The following XKR4 variants were observed in gnomAD, a reference collection of about 807,000 sequenced individuals.
The protein encoded by XKR4 is XK-related protein 4.
Under a neutral mutation model 53.9 loss-of-function variants are expected in XKR4, and 12 were observed. The ratio of observed to expected loss-of-function variants is 0.22; its 90% CI spans 0.14 to 0.36. XKR4 has a LOEUF of 0.36. Ranked by LOEUF, XKR4 falls within the 10% of genes least tolerant of loss-of-function variation. The pLI is 1.00. For synonymous variants in XKR4, 354 were observed against 362.4 expected, an observed-to-expected ratio of 0.98 and a Z score of 0.26; for missense variants, 799 against 859.5, an observed-to-expected ratio of 0.93 and a Z score of 0.88.
At chr8:55,363,814 G>A (rs568963331) in intron 2 of XKR4, among the ~76,000 whole-genome samples, 1 of 152,256 alleles carries the variant, frequency 6.6e-6, no homozygotes, top group Admixed American at 6.5e-5. Flanking sequence ...AGGTCCCTCT[G>A]GATCTGCCTA....
chr8:55,141,308 ATTC>A (rs1178519473), intron 1 of XKR4, among the ~76,000 whole-genome samples: 5 of 152,030 alleles, frequency 3.3e-5, no homozygotes, highest in African/African-American at 7.2e-5. Context: ...TCCTGGAGGT[ATTC>A]TTCTTCTCTT....
At chr8:55,244,185 A>T (rs897804632) in intron 1 of XKR4, among the ~76,000 whole-genome samples, 2 of 152,170 alleles carry the variant, frequency 1.3e-5, no homozygotes, top group African/African-American at 2.4e-5. Context: ...GCTTAGTAAC[A>T]GATAAGTAGT....
chr8:55,410,702 T>C (rs1436065540), intron 2 of XKR4, among the ~76,000 whole-genome samples: 2 of 147,310 alleles, frequency 1.4e-5, no homozygotes, highest in Non-Finnish European at 3.0e-5. Context: ...CCAATCTCTC[T>C]TACCTAAATC....
At chr8:55,385,538 G>A (rs1804296287) in intron 2 of XKR4, among the ~76,000 whole-genome samples, 1 of 152,100 alleles carries the variant, frequency 6.6e-6, no homozygotes, top group South Asian at 2.1e-4. Flanking sequence ...AGAGTACCTA[G>A]CCCATAAGTA....
At chr8:55,265,174 C>G (rs1818579176) in intron 1 of XKR4, among the ~76,000 whole-genome samples, 1 of 152,190 alleles carries the variant, frequency 6.6e-6, no homozygotes, top group African/African-American at 2.4e-5. Context: ...GGATTTTATT[C>G]CAGAATCCCA....
At chr8:55,392,183 AC>A (rs1804453263) in intron 2 of XKR4, among the ~76,000 whole-genome samples, 1 of 152,124 alleles carries the variant, frequency 6.6e-6, no homozygotes, top group African/African-American at 2.4e-5. Flanking sequence ...AAAAATGACA[AC>A]CCAACTGCAA....
chr8:55,470,258 G>A lies in XKR4; in HGVS notation c.1007-53023G>A, dbSNP rs116106520. ...AATTCTAGAAGTTAAGGTACAAGAC[G>A]AGGTGATATGGTTTTTGGCTGTGTC... On this transcript the variant is annotated intron_variant, in intron 2 of 2. Transcript: ENST00000327381. Among the ~76,000 whole-genome samples, 471 of 152,208 alleles carry A rather than the reference G, an allele frequency of 3.1e-3. 2 individuals are homozygous for A. The highest frequency in any genetic ancestry group is 0.011 in the African/African-American group (439 of 41,498).
chr8:55,334,469 C>T (rs76578677), intron 1 of XKR4, among the ~76,000 whole-genome samples: 7,197 of 152,156 alleles, frequency 0.047, 296 homozygotes, highest in Admixed American at 0.12. Context: ...TGATTTTTAT[C>T]CCTGGTCTAC....
intron 1 of XKR4, among the ~76,000 whole-genome samples, chr8:55,318,836 G>A (rs1444113777): frequency 6.6e-6 from 1 of 152,152 alleles, no homozygotes; most frequent in African/African-American, 2.4e-5. Context: ...GAAAAGAGTT[G>A]TTATAAGTTT....
At chr8:55,482,680 T>C (rs1806129584) in intron 2 of XKR4, among the ~76,000 whole-genome samples, 1 of 152,146 alleles carries the variant, frequency 6.6e-6, no homozygotes, top group South Asian at 2.1e-4. Context: ...AAAAAATAAT[T>C]GAACTAAACT....
chr8:55,235,111 C>T (rs1324621160), intron 1 of XKR4, among the ~76,000 whole-genome samples: 1 of 152,196 alleles, frequency 6.6e-6, no homozygotes, highest in African/African-American at 2.4e-5. Context: ...CTGTTCCATG[C>T]TTTGCTCCCA....
chr8:55,304,889 G>T (rs1819270318), intron 1 of XKR4, among the ~76,000 whole-genome samples: 1 of 151,706 alleles, frequency 6.6e-6, no homozygotes, highest in African/African-American at 2.4e-5. Context: ...CCTATGTGCA[G>T]ACACTTTATT....
intron 1 of XKR4, among the ~76,000 whole-genome samples, chr8:55,244,374 A>G (rs1316991220): frequency 6.6e-6 from 1 of 152,196 alleles, no homozygotes; most frequent in Non-Finnish European, 1.5e-5. Flanking sequence ...AGCTCCATCC[A>G]TGTTGCTGCA....
chr8:55,495,743 G>A (rs1441396707), intron 2 of XKR4, among the ~76,000 whole-genome samples: 1 of 152,234 alleles, frequency 6.6e-6, no homozygotes, highest in Non-Finnish European at 1.5e-5. Flanking sequence ...ATTGGGGGCA[G>A]CTCAGTCGAC....
intron 1 of XKR4, among the ~76,000 whole-genome samples, chr8:55,130,365 C>T (rs1356593678): frequency 6.6e-6 from 1 of 152,106 alleles, no homozygotes; most frequent in African/African-American, 2.4e-5. Flanking sequence ...TATGCAGAAA[C>T]CTGAGACAGG....
intron 2 of XKR4, among the ~76,000 whole-genome samples, chr8:55,400,257 C>T (rs968882030): frequency 6.6e-6 from 1 of 152,154 alleles, no homozygotes; most frequent in African/African-American, 2.4e-5. Context: ...GGTGCCACTC[C>T]TAAGATTCAC....
intron 1 of XKR4, among the ~76,000 whole-genome samples, chr8:55,343,865 T>C (rs898353670): frequency 1.3e-5 from 2 of 152,214 alleles, no homozygotes; most frequent in African/African-American, 4.8e-5. Context: ...ATAATACAAT[T>C]ATAATGAGAC....
Position 55,538,506 on chromosome 8 carries a change from T to C in XKR4, c.*14279T>C, listed in dbSNP as rs1242565551. On this transcript the variant is annotated 3_prime_UTR_variant, in exon 3 of 3. Transcript: ENST00000327381. ...AACTAACACTTTTCCTTCAAAGGTC[T>C]ATGTATAATTTTCTTCAATGATTAG... 1 of 152,246 alleles carries C rather than the reference T, an allele frequency of 6.6e-6. No homozygotes were observed. The highest frequency in any genetic ancestry group is 1.5e-5 in the Non-Finnish European group (1 of 68,046). The allele number at this position is 152,246 out of a possible 1,614,324, so 9.4% of individuals were successfully genotyped here. A position where few individuals can be genotyped will look rare whatever the true frequency, so the allele number is the denominator to read the frequency against.
intron 2 of XKR4, among the ~76,000 whole-genome samples, chr8:55,469,278 T>C (rs1279418803): frequency 6.6e-6 from 1 of 152,158 alleles, no homozygotes; most frequent in Non-Finnish European, 1.5e-5. Context: ...TGGTTCCCTA[T>C]TTTTTGTTAG....
Sources: gnomAD v4.1 joint callset for allele counts (sites outside exome capture counted in the v4.1 genomes callset) on GRCh38, gnomAD v4.1.1 for gene constraint, MANE v1.5 for transcripts, NCBI Gene and HGNC (gene_info 2026-07-23, HGNC 2026-07-21) for gene names.